RAB27B: variants seen among roughly 807,000 people sequenced by gnomAD.
The protein encoded by RAB27B is ras-related protein Rab-27B.
Under a neutral mutation model 24.6 loss-of-function variants are expected in RAB27B, and 15 were observed. The observed-to-expected ratio is 0.61, with a 90% CI of 0.41 to 0.94. RAB27B has a LOEUF of 0.94. Among genes scored for constraint, RAB27B ranks in the 40% least tolerant of loss-of-function variants. RAB27B has a pLI of 0.00. For synonymous variants in RAB27B, 105 were observed against 92.5 expected, an observed-to-expected ratio of 1.14 and a Z score of -0.78; for missense variants, 261 against 266.8, an observed-to-expected ratio of 0.98 and a Z score of 0.15.
Position 54,891,487 on chromosome 18 carries a change from G to A in RAB27B, c.*2074G>A, listed in dbSNP as rs1349630804. On this transcript the variant is annotated 3_prime_UTR_variant, in exon 6 of 6. Coordinates refer to ENST00000262094, the MANE Select transcript of RAB27B (RefSeq NM_004163.4). ...ACATTTAAGATGTTTCTTCTGGAAG[G>A]AAAGTGAGCAGGAACAAGTTATATT... The A allele has an allele frequency of 6.6e-6, 1 of 152,052 alleles. No individual in the cohort carries two copies. Among genetic ancestry groups the A allele is most frequent in the East Asian group, 1.9e-4 (1 of 5,192 alleles). 9.4% of individuals were successfully genotyped at this position (152,052 alleles called of 1,614,324 possible). A position where few individuals can be genotyped will look rare whatever the true frequency, so the allele number is the denominator to read the frequency against.
chr18:54,747,265 A>G (rs936903682), intron 2 of RAB27B, among the ~76,000 whole-genome samples: 4 of 152,130 alleles, frequency 2.6e-5, no homozygotes, highest in Non-Finnish European at 5.9e-5. Context: ...TCCCCTCCTG[A>G]TGATGAAAAT....
At position 54,851,120 on chromosome 18, in the gene RAB27B, C is replaced by A. The variant is rs551691783; in HGVS notation, c.-20+22420C>A. On this transcript the variant is annotated intron_variant, in intron 1 of 5. Coordinates refer to ENST00000262094, the MANE Select transcript of RAB27B (RefSeq NM_004163.4). Reference sequence around the variant, plus strand: ...AACTCAACAAGTGTTTGTTAATATTCTATATATATCTACACTGAGAAAATC... The same window carrying A: ...AACTCAACAAGTGTTTGTTAATATTATATATATATCTACACTGAGAAAATC... Among the ~76,000 whole-genome samples the A allele has an allele frequency of 9.5e-4, 144 of 152,206 alleles. 1 individual carries two copies. Among genetic ancestry groups the A allele is most frequent in the Non-Finnish European group, 1.7e-3 (113 of 68,002 alleles).
At chr18:54,826,637 T>C (rs1191284464), upstream of RAB27B, among the ~76,000 whole-genome samples, 8 of 152,140 alleles carry the variant, frequency 5.3e-5, no homozygotes, top group African/African-American at 1.7e-4. Context: ...CATCAATAAA[T>C]GTGTGTGTCA....
intron 1 of RAB27B, among the ~76,000 whole-genome samples, chr18:54,876,591 T>A (rs1912713017): frequency 6.6e-6 from 1 of 151,670 alleles, no homozygotes; most frequent in Non-Finnish European, 1.5e-5. Context: ...AACTCAGGAG[T>A]GGAGATTTCA....
At chr18:54,768,782 G>A (rs554753333) in intron 2 of RAB27B, among the ~76,000 whole-genome samples, 1 of 152,182 alleles carries the variant, frequency 6.6e-6, no homozygotes, top group African/African-American at 2.4e-5. Context: ...AGTACAACGG[G>A]GGAAATGACA....
intron 1 of RAB27B, among the ~76,000 whole-genome samples, chr18:54,858,832 A>G (rs145305685): frequency 1.4e-3 from 218 of 152,270 alleles, no homozygotes; most frequent in African/African-American, 4.8e-3. Context: ...ATTCTTTGAC[A>G]CTGGAGGAGT....
chr18:54,732,117 T>C (rs1288077952), intron 2 of RAB27B, among the ~76,000 whole-genome samples: 1 of 152,204 alleles, frequency 6.6e-6, no homozygotes, highest in Non-Finnish European at 1.5e-5. Context: ...CTAGGAAAGA[T>C]ATAAATCTTG....
chr18:54,812,550 A>AACACACAC (rs10595171), intron 2 of RAB27B, among the ~76,000 whole-genome samples: 9,975 of 139,006 alleles, frequency 0.072, 451 homozygotes, highest in Non-Finnish European at 0.098. Flanking sequence ...GAACTCCTTT[A>AACACACAC]ACACACACAC....
chr18:54,751,164 A>G (rs1907818560), intron 2 of RAB27B, among the ~76,000 whole-genome samples: 1 of 152,174 alleles, frequency 6.6e-6, no homozygotes, highest in Non-Finnish European at 1.5e-5. Context: ...AGACAATACT[A>G]GGAGCTTGAG....
chr18:54,848,147 C>T (rs565792957), intron 1 of RAB27B, among the ~76,000 whole-genome samples: 15 of 152,278 alleles, frequency 9.9e-5, no homozygotes, highest in African/African-American at 2.2e-4. Flanking sequence ...GGGATATGGT[C>T]GGTTTACACC....
chr18:54,849,557 TA>T (rs1262421424), intron 1 of RAB27B, among the ~76,000 whole-genome samples: 1 of 151,954 alleles, frequency 6.6e-6, no homozygotes, highest in Admixed American at 6.6e-5. Flanking sequence ...CTGTCTCTAC[TA>T]AAAAATATAA....
At chr18:54,778,353 T>C (rs1451891664) in intron 2 of RAB27B, among the ~76,000 whole-genome samples, 1 of 152,206 alleles carries the variant, frequency 6.6e-6, no homozygotes, top group African/African-American at 2.4e-5. Context: ...TGGAAGAGCA[T>C]GGCATGAATG....
At chr18:54,816,344 G>A (rs181087021) in intron 2 of RAB27B, among the ~76,000 whole-genome samples, 62 of 152,246 alleles carry the variant, frequency 4.1e-4, no homozygotes, top group African/African-American at 1.4e-3. Flanking sequence ...GGGGTTAGGG[G>A]TTGAATTCAA....
At chr18:54,854,294 C>T (rs372242251) in intron 1 of RAB27B, among the ~76,000 whole-genome samples, 1 of 152,212 alleles carries the variant, frequency 6.6e-6, no homozygotes, top group Non-Finnish European at 1.5e-5. Context: ...TCCACATACA[C>T]ACTTTTTCGT....
intron 2 of RAB27B, among the ~76,000 whole-genome samples, chr18:54,742,596 G>A (rs1910102628): frequency 6.6e-6 from 1 of 152,072 alleles, no homozygotes; most frequent in Non-Finnish European, 1.5e-5. Flanking sequence ...AAGTTTATTT[G>A]CATTTTCTGA....
chr18:54,867,681 G>A (rs1276527591), intron 1 of RAB27B, among the ~76,000 whole-genome samples: 1 of 151,994 alleles, frequency 6.6e-6, no homozygotes, highest in Non-Finnish European at 1.5e-5. Context: ...TCCTGACCTC[G>A]TGATTCGCCT....
rs193293058 is a variant in RAB27B at position 54,750,140 on chromosome 18, C to T, written c.-20+31999C>T. Among the ~76,000 whole-genome samples, 5 of 152,210 alleles carry T rather than the reference C, an allele frequency of 3.3e-5. No homozygotes were observed. The East Asian group carries it at 5.8e-4, about 18-fold the overall frequency. On this transcript the variant is annotated intron_variant, in intron 2 of 4. Coordinates refer to the RAB27B transcript ENST00000586570. ...AGTAGTCACTCTAGTATGTCTCTGTCCATTCATATTTATAAAGGGAACTGC... is the reference window on the plus strand; with the variant it reads ...AGTAGTCACTCTAGTATGTCTCTGTTCATTCATATTTATAAAGGGAACTGC...
intron 2 of RAB27B, among the ~76,000 whole-genome samples, chr18:54,747,217 T>C (rs551632290): frequency 1.7e-4 from 26 of 152,126 alleles, no homozygotes; most frequent in Non-Finnish European, 3.2e-4. Context: ...TCATTTTTGC[T>C]TGTGAAAGAA....
At chr18:54,822,986 T>C (rs1313239541) in intron 2 of RAB27B, among the ~76,000 whole-genome samples, 2 of 152,230 alleles carry the variant, frequency 1.3e-5, no homozygotes, top group Admixed American at 1.3e-4. Context: ...CATTACACAT[T>C]CTAAGAAACA....
Sources: allele counts gnomAD v4.1 joint callset (sites outside exome capture counted in the v4.1 genomes callset), GRCh38; gene constraint gnomAD v4.1.1; transcripts MANE v1.5; gene names NCBI Gene and HGNC (gene_info 2026-07-23, HGNC 2026-07-21).